The following FAM135B variants were observed in gnomAD, a reference collection of about 807,000 sequenced individuals.
FAM135B encodes the protein family with sequence similarity 135 member B.
In FAM135B, 43 loss-of-function variants were observed where a neutral mutation model predicts 127.7. That is an observed-to-expected ratio of 0.34 (90% CI 0.26 to 0.43). The LOEUF (loss-of-function observed/expected upper bound fraction) is 0.43. Among genes scored for constraint, FAM135B ranks in the 20% least tolerant of loss-of-function variants. FAM135B has a pLI of 1.00. For synonymous variants in FAM135B, 670 were observed against 665.1 expected (o/e 1.01, Z -0.11); for missense variants, 1,558 against 1,725.6 (o/e 0.90, Z 1.72).
At position 138,297,224 on chromosome 8, in the gene FAM135B, C is replaced by T. The variant is rs1189469855; in HGVS notation, c.157+13617G>A. 2.0e-5 allele frequency among the ~76,000 whole-genome samples: 3 copies of T among 152,196 alleles called. No homozygotes were observed. In the South Asian group the frequency reaches 6.2e-4, roughly 31 times the overall value. ...AACAGCTAAGAAATATAGCACGAGT[C>T]CATGACGGTGAGAAGGACAGGCAGA... On this transcript the variant is annotated intron_variant, in intron 3 of 19. Transcript: ENST00000395297.
intron 1 of FAM135B, among the ~76,000 whole-genome samples, chr8:138,487,608 ACT>A (rs1815029060): frequency 1.8e-5 from 2 of 108,828 alleles, no homozygotes; most frequent in South Asian, 6.7e-4. Context: ...TCCTCAAACT[ACT>A]CTCATCCAAG....
Position 138,391,200 on chromosome 8 carries a change from CAG to C in FAM135B, c.-19-23200_-19-23199del, listed in dbSNP as rs368227622. On this transcript the variant is annotated intron_variant, in intron 1 of 19. Transcript: ENST00000395297. Reference sequence around the variant, plus strand: ...GAGCTCCTTGTTTCTGGTCCCAGATCAGAGAGACTGGTGAAATGCAGGGTGGC... The same window carrying C: ...GAGCTCCTTGTTTCTGGTCCCAGATCAGAGACTGGTGAAATGCAGGGTGGC... Among the ~76,000 whole-genome samples the C allele has an allele frequency of 6.0e-4, 90 of 150,190 alleles. No individual in the cohort carries two copies. The East Asian group carries it at 6.1e-3, about 10-fold the overall frequency.
intron 7 of FAM135B, among the ~76,000 whole-genome samples, chr8:138,201,481 C>T (rs1334843992): frequency 6.6e-6 from 1 of 151,714 alleles, no homozygotes; most frequent in African/African-American, 2.4e-5. Context: ...CTAAACAAAA[C>T]AAAAAAACTT....
chr8:138,483,263 C>T (rs1375705038), intron 1 of FAM135B, among the ~76,000 whole-genome samples: 1 of 152,140 alleles, frequency 6.6e-6, no homozygotes, highest in Non-Finnish European at 1.5e-5. Context: ...TATTTTTTAT[C>T]CCAACTTTAC....
chr8:138,304,325 G>A (rs951196623), intron 3 of FAM135B, among the ~76,000 whole-genome samples: 8 of 152,214 alleles, frequency 5.3e-5, no homozygotes, highest in Non-Finnish European at 1.2e-4. Flanking sequence ...GCTTCCTGTT[G>A]TCTGGGAGTG....
chr8:138,431,836 A>T (rs1835203982), intron 1 of FAM135B, among the ~76,000 whole-genome samples: 1 of 152,138 alleles, frequency 6.6e-6, no homozygotes, highest in Admixed American at 6.5e-5. Context: ...GAATACAGAT[A>T]CTCCAGACTC....
At chr8:138,165,437 A>T (rs1265841741) in intron 12 of FAM135B, among the ~76,000 whole-genome samples, 1 of 151,972 alleles carries the variant, frequency 6.6e-6, no homozygotes, top group Non-Finnish European at 1.5e-5. Context: ...CTAATTTATT[A>T]AAAAAATAGA....
At chr8:138,255,026 C>CTTTTT (rs5895505) in intron 5 of FAM135B, among the ~76,000 whole-genome samples, 2 of 118,690 alleles carry the variant, frequency 1.7e-5, no homozygotes, top group Non-Finnish European at 3.4e-5. Context: ...GAAATCTGAA[C>CTTTTT]TTTTTTTTTT....
intron 12 of FAM135B, among the ~76,000 whole-genome samples, chr8:138,155,304 A>C (rs1217853370): frequency 6.6e-6 from 1 of 152,234 alleles, no homozygotes; most frequent in African/African-American, 2.4e-5. Flanking sequence ...AGCACTAAAC[A>C]TGGAAAGGAA....
At chr8:138,264,431 G>A (rs537880848) in intron 4 of FAM135B, among the ~76,000 whole-genome samples, 60 of 152,244 alleles carry the variant, frequency 3.9e-4, no homozygotes, top group African/African-American at 1.3e-3. Flanking sequence ...GTAGCTTCAC[G>A]GGGCCTCCAG....
At chr8:138,277,956 G>T (rs1366313748) in intron 3 of FAM135B, among the ~76,000 whole-genome samples, 2 of 151,990 alleles carry the variant, frequency 1.3e-5, no homozygotes, top group African/African-American at 4.8e-5. Flanking sequence ...CTCCTCTCTT[G>T]AATAAATGTT....
At chr8:138,150,715 T>G (rs947465868) in intron 13 of FAM135B, among the ~76,000 whole-genome samples, 1 of 151,776 alleles carries the variant, frequency 6.6e-6, no homozygotes, top group Non-Finnish European at 1.5e-5. Flanking sequence ...TGAACAAAAT[T>G]TAAAGGTTCA....
chr8:138,488,957 G>C (rs1016361929), intron 1 of FAM135B, among the ~76,000 whole-genome samples: 1 of 152,128 alleles, frequency 6.6e-6, no homozygotes, highest in East Asian at 1.9e-4. Flanking sequence ...GAGCCATCAC[G>C]CCCGGCGTTT....
At chr8:138,142,984 G>T (rs778033402) in intron 16 of FAM135B, 28 bp downstream of exon 16, 1 of 1,206,174 alleles carries the variant, frequency 8.3e-7, no homozygotes, top group Non-Finnish European at 1.2e-6. Context: ...TCTTCCCCCA[G>T]CATTAACTAC....
At chr8:138,176,764 T>C (rs1420135798) in intron 11 of FAM135B, among the ~76,000 whole-genome samples, 1 of 152,164 alleles carries the variant, frequency 6.6e-6, no homozygotes, top group East Asian at 1.9e-4. Context: ...AAAGAAACCC[T>C]TGGACTGTGG....
At chr8:138,201,865 C>T (rs1212347841) in intron 7 of FAM135B, among the ~76,000 whole-genome samples, 4 of 152,054 alleles carry the variant, frequency 2.6e-5, no homozygotes, top group Non-Finnish European at 4.4e-5. Flanking sequence ...GTGGCTCAGG[C>T]CTGTAATCCC....
intron 5 of FAM135B, among the ~76,000 whole-genome samples, chr8:138,254,197 A>G (rs1376926072): frequency 6.6e-6 from 1 of 152,228 alleles, no homozygotes; most frequent in Non-Finnish European, 1.5e-5. Flanking sequence ...AACTACTGAG[A>G]TTTATGAAAG....
chr8:138,141,230 G>A lies in FAM135B; in HGVS notation c.3758C>T (p.Thr1253Ile), dbSNP rs2130593582. ...AACCAGGGTGCTGTTGTTGTACAGG[G>A]TTCCCAGGTGAGGCCCAGAGAGTGA... ...FLSLSGPHLG[T>I]LYNNSTLVST... Residue 1253 changes from threonine to isoleucine, a missense_variant, in exon 17 of 20, where the codon ACC becomes ATC. Physicochemically the swap from Thr to Ile is moderately conservative, Grantham distance 89. Coordinates refer to ENST00000395297, the MANE Select transcript of FAM135B (RefSeq NM_015912.4). The surrounding 1 kb of genome is among the most constrained non-coding windows in gnomAD (Gnocchi z 4.7). The A allele has an allele frequency of 6.8e-6, 11 of 1,614,128 alleles. No individual in the cohort carries two copies. Among genetic ancestry groups the A allele is most frequent in the Non-Finnish European group, 9.3e-6 (11 of 1,180,016 alleles).
chr8:138,380,508 A>C (rs1404805376), intron 1 of FAM135B, among the ~76,000 whole-genome samples: 1 of 152,040 alleles, frequency 6.6e-6, no homozygotes. Flanking sequence ...TATAGGTTTT[A>C]ATACCTCACG....
Sources: gnomAD v4.1 joint callset for allele counts (sites outside exome capture counted in the v4.1 genomes callset) on GRCh38, gnomAD v4.1.1 for gene constraint, Gnocchi (gnomAD v3.1) non-coding constraint, MANE v1.5 for transcripts, NCBI Gene and HGNC (gene_info 2026-07-23, HGNC 2026-07-21) for gene names.